IGSF9: variants seen among roughly 807,000 people sequenced by gnomAD.
IGSF9 encodes protein turtle homolog A.
IGSF9 carries 87 observed loss-of-function variants against 121.7 expected under a neutral mutation model. That is an observed-to-expected ratio of 0.71 (90% CI 0.60 to 0.85). IGSF9 has a LOEUF of 0.85. Among genes scored for constraint, IGSF9 ranks in the 40% least tolerant of loss-of-function variants. IGSF9 has a pLI of 0.00. For missense variants in IGSF9, 1,462 were observed against 1,565.3 expected (o/e 0.93, Z 1.11); for synonymous variants, 640 against 648.4 (o/e 0.99, Z 0.20).
rs1483675174 is a variant in IGSF9, at chr1:159,929,714, G to A, written c.2250C>T (p.Val750=). The change falls in exon 17 of 21, where the codon GTC becomes GTT. Residue 750 remains valine, a synonymous_variant. Transcript: ENST00000368094. ...VGGVCFLGVA[V]LVSILAGCLL... is the part of the protein sequence containing the mutation. The stretch of plus-strand genomic sequence containing the variant: ...GGCAGCCGGCCAGGATGCTCACAAG[G>A]ACGGCCACTCCCAGAAAGCAGACTC... 1 of 1,601,220 alleles carries A rather than the reference G, an allele frequency of 6.2e-7. No homozygotes were observed. Among genetic ancestry groups the A allele is most frequent in the Non-Finnish European group, 8.5e-7 (1 of 1,175,012 alleles).
At position 159,941,222 on chromosome 1, in the gene IGSF9, G is replaced by A. The variant is rs978107226; in HGVS notation, c.247+1741C>T. On this transcript the variant is annotated intron_variant, in intron 3 of 20. Coordinates refer to ENST00000368094, the MANE Select transcript of IGSF9 (RefSeq NM_001135050.2). The stretch of plus-strand genomic sequence containing the variant: ...GGCCACCAGCCCCACAACAGTCCCC[G>A]ACCCATCTCCCCTTCACTGCCCAGA... Among the ~76,000 whole-genome samples, 13 of 152,230 alleles carry A rather than the reference G, an allele frequency of 8.5e-5. No individual in the cohort carries two copies. The South Asian group carries it at 1.0e-3, about 12-fold the overall frequency.
rs997239521 is a variant in IGSF9, at chr1:159,932,897, C to T, written c.1105-245G>A. ...GGGGGTGCCACTCACAGAAAATACA[C>T]TGTGAATGGCCACCCCTGTAGTTGG... On this transcript the variant is annotated intron_variant, in intron 9 of 20. Coordinates refer to ENST00000368094, the MANE Select transcript of IGSF9 (RefSeq NM_001135050.2). This position sits in a 1 kb window ranked among gnomAD's most constrained non-coding sequence, Gnocchi z 4.1. The T allele has an allele frequency of 1.1e-5, 5 of 443,360 alleles. No homozygotes were observed. Among genetic ancestry groups the T allele is most frequent in the African/African-American group, 1.0e-4 (5 of 48,900 alleles). The allele number at this position is 443,360 out of a possible 1,614,324, so 27.5% of individuals were successfully genotyped here.
At position 159,932,707 on chromosome 1, in the gene IGSF9, G is replaced by C. The variant is rs765440486; in HGVS notation, c.1105-55C>G. 9.7e-6 allele frequency: 15 copies of C among 1,547,942 alleles called. No individual in the cohort carries two copies. In the South Asian group the frequency reaches 1.5e-4, roughly 15 times the overall value. On this transcript the variant is annotated intron_variant, in intron 9 of 20. Transcript: ENST00000368094. This position sits in a 1 kb window ranked among gnomAD's most constrained non-coding sequence, Gnocchi z 4.1. ...AGAGGAGCTCAGCAGAGACAAGCCC[G>C]GGATGGCAGTACAAGAGAGGGGGCA...
At chr1:159,938,336 C>G (rs1311174586) in intron 3 of IGSF9, among the ~76,000 whole-genome samples, 1 of 152,206 alleles carries the variant, frequency 6.6e-6, no homozygotes, top group Non-Finnish European at 1.5e-5. Flanking sequence ...CCTAATCCCT[C>G]AGGGCTATTA....
intron 6 of IGSF9, among the ~76,000 whole-genome samples, chr1:159,935,797 A>G (rs1201972715): frequency 6.6e-6 from 1 of 152,242 alleles, no homozygotes; most frequent in African/African-American, 2.4e-5. Flanking sequence ...TTGCCCAAGG[A>G]CAGCAGGAGA....
At chr1:159,941,243 C>G (rs958286373) in intron 3 of IGSF9, among the ~76,000 whole-genome samples, 1 of 152,218 alleles carries the variant, frequency 6.6e-6, no homozygotes, top group Non-Finnish European at 1.5e-5. Flanking sequence ...CCTTCACTGC[C>G]CAGAGGGCTT....
At position 159,936,754 on chromosome 1, in the gene IGSF9, T is replaced by A. The variant is rs776158343; in HGVS notation, c.555A>T (p.Gln185His). Residue 185 changes from glutamine (Q) to histidine (H), a missense_variant and splice_region_variant, in exon 5 of 21, where the codon CAA (glutamine) becomes CAT (histidine). Gln to His is a conservative substitution (Grantham distance 24). This residue lies in a region of IGSF9 where 558 missense variants were observed against 599.4 expected (regional missense o/e 0.93). Transcript: ENST00000368094. ...CACTCTGTCCACCCCCAGGACTCAC[T>A]TGCACCTGGCCCTGGCCCTGGCCAA... ...KDLGQGQGQVQVQNGTLRIRR... is the reference protein window; with the variant it reads ...KDLGQGQGQVHVQNGTLRIRR... 6.2e-7 allele frequency: 1 copy of A among 1,614,136 alleles called. No individual in the cohort carries two copies. The highest frequency in any genetic ancestry group is 1.7e-5 in the Admixed American group (1 of 60,024).
chr1:159,928,103 A>G (rs1650810414), intron 19 of IGSF9, 55 bp downstream of exon 19: 1 of 1,574,984 alleles, frequency 6.3e-7, no homozygotes, highest in African/African-American at 1.3e-5. Context: ...GAGAGGGGTG[A>G]GAGGTCTGGG....
In IGSF9 at chr1:159,929,960, A is replaced by ACTC; in HGVS notation, c.2077_2079dup (p.Glu693dup). On this transcript the variant is annotated inframe_insertion, in exon 16 of 21. Coordinates refer to ENST00000368094, the MANE Select transcript of IGSF9 (RefSeq NM_001135050.2). ...CTGCCCGCGAAGGCCACGAGGCGGA[A>ACTC]CTCGTAGAGAACATCCTGCGATGGG... is the stretch of plus-strand genomic sequence containing the variant. 6.3e-7 allele frequency: 1 copy of ACTC among 1,587,670 alleles called. No individual in the cohort carries two copies. The highest frequency in any genetic ancestry group is 8.6e-7 in the Non-Finnish European group (1 of 1,167,914).
At chr1:159,929,495 G>A (rs1650892793) in intron 17 of IGSF9, 102 bp from the exon 18 acceptor site, 15 of 1,515,638 alleles carry the variant, frequency 9.9e-6, no homozygotes, top group Non-Finnish European at 1.3e-5. Flanking sequence ...ATCCGGCTGG[G>A]AAAAGCGTAG....
In IGSF9 at chr1:159,934,315, C is replaced by T. The variant is rs1054480857; in HGVS notation, c.979G>A (p.Ala327Thr). ...GGCAGGGGTGTCTCAGGAGGCATAG[C>T]TGTCACCTGGGCTGGGTCTGGGGGA... is the stretch of plus-strand genomic sequence containing the variant. ...LTVLYPAQVT[A>T]MPPETPLPIG... is the part of the protein sequence containing the mutation. Residue 327 changes from alanine to threonine, a missense_variant, in exon 9 of 21, where the codon GCT becomes ACT. Ala to Thr is a moderately conservative substitution (Grantham distance 58, BLOSUM62 0). This residue lies in a region of IGSF9 where 558 missense variants were observed against 599.4 expected (regional missense o/e 0.93). Coordinates refer to ENST00000368094, the MANE Select transcript of IGSF9 (RefSeq NM_001135050.2). 1.1e-5 allele frequency: 18 copies of T among 1,601,992 alleles called. No homozygotes were observed. The highest frequency in any genetic ancestry group is 1.4e-5 in the Non-Finnish European group (16 of 1,173,662).
At chr1:159,933,739 G>A (rs1651083417) in intron 9 of IGSF9, 1 of 200,678 alleles carries the variant, frequency 5.0e-6, no homozygotes, top group African/African-American at 2.4e-5. Flanking sequence ...GAAGGCACGA[G>A]CTCCATCCCT....
At chr1:159,943,179 A>C in intron 2 of IGSF9, 28 bp from the exon 3 acceptor site, 1 of 1,568,620 alleles carries the variant, frequency 6.4e-7, no homozygotes, top group Non-Finnish European at 8.6e-7. Flanking sequence ...TGAGGGCACA[A>C]CGGGGGGCTA....
chr1:159,927,885 C>T lies in IGSF9; in HGVS notation c.3233G>A (p.Arg1078Lys). 2.7e-6 allele frequency: 4 copies of T among 1,503,194 alleles called. No homozygotes were observed. The highest frequency in any genetic ancestry group is 1.2e-5 in the South Asian group (1 of 85,630). The allele number at this position is 1,503,194 out of a possible 1,614,324, so 93.1% of individuals were successfully genotyped here. A position where few individuals can be genotyped will look rare whatever the true frequency, so the allele number is the denominator to read the frequency against. Residue 1078 changes from arginine to lysine, a missense_variant and splice_region_variant, in exon 20 of 21, where the codon AGG becomes AAG. Coordinates refer to ENST00000368094, the MANE Select transcript of IGSF9 (RefSeq NM_001135050.2). ...ATAGTTCTCGTCCACAGATGTGTTC[C>T]TCCTGTAAAAAAAAAAAAAAAGACA... ...REHVVTVSKR[R>K]NTSVDENYEW...
At chr1:159,929,838 G>C in intron 16 of IGSF9, 24 bp from the exon 17 acceptor site, 1 of 1,596,528 alleles carries the variant, frequency 6.3e-7, no homozygotes, top group East Asian at 2.3e-5. Flanking sequence ...CACGAGGGAG[G>C]GTCAGTGGAC....
Position 159,927,132 on chromosome 1 carries a change from G to GAGAGAGAGAGAGAGAGAGAGAGAGA in IGSF9, c.*212_*213insTCTCTCTCTCTCTCTCTCTCTCTCT. 4.9e-6 allele frequency: 2 copies of GAGAGAGAGAGAGAGAGAGAGAGAGA among 408,768 alleles called. No individual in the cohort carries two copies. Among genetic ancestry groups the GAGAGAGAGAGAGAGAGAGAGAGAGA allele is most frequent in the South Asian group, 7.6e-5 (2 of 26,198 alleles). The allele number at this position is 408,768 out of a possible 1,614,324, so 25.3% of individuals were successfully genotyped here. On this transcript the variant is annotated 3_prime_UTR_variant, in exon 21 of 21. Coordinates refer to ENST00000368094, the MANE Select transcript of IGSF9 (RefSeq NM_001135050.2). ...GAGAGAGAGAGAGAGAGAGAGAGAGGCAGACCTAAGATCCCTGTTCCAATC... is the reference window on the plus strand; with the variant it reads ...GAGAGAGAGAGAGAGAGAGAGAGAGGAGAGAGAGAGAGAGAGAGAGAGAGACAGACCTAAGATCCCTGTTCCAATC...
Position 159,929,723 on chromosome 1 carries a change from T to G in IGSF9, c.2241A>C (p.Gly747=), listed in dbSNP as rs763364731. Reference sequence around the variant, plus strand: ...CCAGGATGCTCACAAGGACGGCCACTCCCAGAAAGCAGACTCCGCCCACCA... The same window carrying G: ...CCAGGATGCTCACAAGGACGGCCACGCCCAGAAAGCAGACTCCGCCCACCA... The part of the protein sequence containing the change: ...AGVVGGVCFL[G]VAVLVSILAG... The change falls in exon 17 of 21, where the codon GGA becomes GGC. Residue 747 remains glycine, a synonymous_variant. Transcript: ENST00000368094. 2.5e-6 allele frequency: 4 copies of G among 1,602,370 alleles called. No homozygotes were observed. Among genetic ancestry groups the G allele is most frequent in the South Asian group, 2.2e-5 (2 of 89,036 alleles).
chr1:159,937,671 C>T lies in IGSF9; in HGVS notation c.400+15G>A, dbSNP rs1469209905. 1.2e-6 allele frequency: 2 copies of T among 1,606,538 alleles called. No individual in the cohort carries two copies. The highest frequency in any genetic ancestry group is 2.2e-5 in the South Asian group (2 of 90,976). On this transcript the variant is annotated intron_variant, in intron 4 of 20. Coordinates refer to ENST00000368094, the MANE Select transcript of IGSF9 (RefSeq NM_001135050.2). ...CTCCCCGTCCTTCTCCACCACCTGC[C>T]CCCCAGCTTCATACAATTGACTGTC...
At position 159,930,680 on chromosome 1, in the gene IGSF9, G is replaced by A. The variant is rs772471232; in HGVS notation, c.1813+12C>T. On this transcript the variant is annotated intron_variant, in intron 14 of 20. Transcript: ENST00000368094. The stretch of plus-strand genomic sequence containing the variant: ...CCTTGTCTCTGCTGTTCTGGGACGA[G>A]AAGCTTCTCACCTTCCGGAGCAGAC... 2.5e-6 allele frequency: 4 copies of A among 1,613,790 alleles called. No individual in the cohort carries two copies. Among genetic ancestry groups the A allele is most frequent in the Non-Finnish European group, 3.4e-6 (4 of 1,179,922 alleles).
Sources: allele counts gnomAD v4.1 joint callset (sites outside exome capture counted in the v4.1 genomes callset), GRCh38; gene constraint gnomAD v4.1.1; regional missense constraint gnomAD v4.1.1; non-coding constraint Gnocchi (gnomAD v3.1); transcripts MANE v1.5; gene names NCBI Gene and HGNC (gene_info 2026-07-23, HGNC 2026-07-21).